THSD7A: variants seen among roughly 807,000 people sequenced by gnomAD.
THSD7A encodes the protein thrombospondin type 1 domain containing 7A, also known as thrombospondin type-1 domain-containing protein 7A.
THSD7A carries 96 observed loss-of-function variants against 231.3 expected under a neutral mutation model. The ratio of observed to expected loss-of-function variants is 0.41; its 90% CI spans 0.35 to 0.49. THSD7A has a LOEUF of 0.49. THSD7A is among the 20% of genes least tolerant of loss of function. THSD7A has a pLI of 0.05. For missense variants in THSD7A, 2,290 were observed against 2,070.2 expected (o/e 1.11, Z -2.06); for synonymous variants, 940 against 743.3 (o/e 1.26, Z -4.30).
At chr7:11,578,707 TAAAAGA>T (rs1213424920) in intron 4 of THSD7A, among the ~76,000 whole-genome samples, 1 of 152,164 alleles carries the variant, frequency 6.6e-6, no homozygotes, top group African/African-American at 2.4e-5. Context: ...AAATATTCTT[TAAAAGA>T]GGAGATATTT....
At chr7:11,659,714 T>C (rs1368094756) in intron 1 of THSD7A, among the ~76,000 whole-genome samples, 1 of 151,536 alleles carries the variant, frequency 6.6e-6, no homozygotes, top group Non-Finnish European at 1.5e-5. Flanking sequence ...ATAAATACTG[T>C]TAATGAATGA....
chr7:11,570,702 C>A (rs556515972), intron 4 of THSD7A, among the ~76,000 whole-genome samples: 2 of 152,094 alleles, frequency 1.3e-5, no homozygotes, highest in Non-Finnish European at 2.9e-5. Flanking sequence ...GTTTTAAAAT[C>A]CTTTTAATTG....
At chr7:11,559,438 A>G (rs958226234) in intron 4 of THSD7A, among the ~76,000 whole-genome samples, 7 of 152,068 alleles carry the variant, frequency 4.6e-5, no homozygotes, top group Non-Finnish European at 7.4e-5. Flanking sequence ...AGGAAGGTAA[A>G]TACATTAATT....
At chr7:11,427,953 G>A (rs1285146936) in intron 14 of THSD7A, among the ~76,000 whole-genome samples, 1 of 152,076 alleles carries the variant, frequency 6.6e-6, no homozygotes, top group Non-Finnish European at 1.5e-5. Context: ...ACTCTTTAGA[G>A]TACTTTTTAT....
At chr7:11,557,788 T>A (rs1032743073) in intron 4 of THSD7A, among the ~76,000 whole-genome samples, 5 of 151,728 alleles carry the variant, frequency 3.3e-5, no homozygotes, top group African/African-American at 1.2e-4. Context: ...GGGTGGGGAG[T>A]GCTTTACCAG....
chr7:11,697,535 G>A (rs1243313063), intron 1 of THSD7A, among the ~76,000 whole-genome samples: 1 of 151,176 alleles, frequency 6.6e-6, no homozygotes, highest in Admixed American at 6.6e-5. Flanking sequence ...AGACAAATAT[G>A]AGAGATTATA....
At chr7:11,619,164 T>G (rs1422304750) in intron 2 of THSD7A, among the ~76,000 whole-genome samples, 2 of 152,076 alleles carry the variant, frequency 1.3e-5, no homozygotes, top group East Asian at 3.8e-4. Context: ...AGAAACTGGT[T>G]ACATTTGTTA....
At chr7:11,530,115 A>G (rs972975880) in intron 6 of THSD7A, among the ~76,000 whole-genome samples, 2 of 152,204 alleles carry the variant, frequency 1.3e-5, no homozygotes, top group Non-Finnish European at 2.9e-5. Flanking sequence ...TTAAAGCTCA[A>G]TAAAACATGG....
chr7:11,510,231 C>T (rs140057261), intron 6 of THSD7A, among the ~76,000 whole-genome samples: 18 of 152,096 alleles, frequency 1.2e-4, no homozygotes, highest in Non-Finnish European at 2.5e-4. Flanking sequence ...CAGGAAGAAG[C>T]TGAATCCCTG....
At chr7:11,480,447 G>C (rs1279904574) in intron 7 of THSD7A, among the ~76,000 whole-genome samples, 4 of 152,112 alleles carry the variant, frequency 2.6e-5, no homozygotes, top group African/African-American at 4.8e-5. Context: ...TGAAGCCCAA[G>C]GCAAAATCTG....
chr7:11,758,760 T>G (rs1025805347), intron 1 of THSD7A, among the ~76,000 whole-genome samples: 1 of 152,228 alleles, frequency 6.6e-6, no homozygotes, highest in South Asian at 2.1e-4. Flanking sequence ...AAACTAGTGG[T>G]TATCAAAGTT....
intron 1 of THSD7A, among the ~76,000 whole-genome samples, chr7:11,756,872 C>A (rs1053686434): frequency 6.6e-6 from 1 of 151,838 alleles, no homozygotes; most frequent in African/African-American, 2.4e-5. Flanking sequence ...ACATTTTTAG[C>A]CTGAAGTTGT....
intron 1 of THSD7A, among the ~76,000 whole-genome samples, chr7:11,825,890 G>A (rs964086066): frequency 1.3e-5 from 2 of 152,110 alleles, no homozygotes; most frequent in Non-Finnish European, 2.9e-5. Flanking sequence ...TAAATTGTAA[G>A]AACAATTGAA....
intron 2 of THSD7A, among the ~76,000 whole-genome samples, chr7:11,603,094 T>G (rs1159870800): frequency 2.0e-5 from 3 of 150,582 alleles, no homozygotes; most frequent in African/African-American, 4.9e-5. Flanking sequence ...ACAGGCAACC[T>G]ACAAAATGGG....
Position 11,679,992 on chromosome 7 carries a change from A to G in THSD7A, c.191-43031T>C, listed in dbSNP as rs556770657. ...AAAACAGCATGGTACTGGTACCAAA[A>G]CAGATATATAGACCAATGGAACGTA... On this transcript the variant is annotated intron_variant, in intron 1 of 27. Coordinates refer to ENST00000423059, the MANE Select transcript of THSD7A (RefSeq NM_015204.3). Among the ~76,000 whole-genome samples the G allele has an allele frequency of 3.9e-5, 6 of 152,214 alleles. No homozygotes were observed. The South Asian group carries it at 6.2e-4, about 16-fold the overall frequency.
chr7:11,689,918 GT>G (rs147437217), intron 1 of THSD7A, among the ~76,000 whole-genome samples: 13,829 of 150,894 alleles, frequency 0.092, 793 homozygotes, highest in Non-Finnish European at 0.14. Flanking sequence ...ATCTTTAGTT[GT>G]TACTACAAGG....
chr7:11,521,021 T>C (rs999593392), intron 6 of THSD7A, among the ~76,000 whole-genome samples: 1 of 152,198 alleles, frequency 6.6e-6, no homozygotes, highest in South Asian at 2.1e-4. Flanking sequence ...GCACAAATAT[T>C]GCTCTTCAAA....
At position 11,530,163 on chromosome 7, in the gene THSD7A, T is replaced by A. The variant is rs1788645634; in HGVS notation, c.1822+11256A>T. On this transcript the variant is annotated intron_variant, in intron 6 of 27. Coordinates refer to ENST00000423059, the MANE Select transcript of THSD7A (RefSeq NM_015204.3). ...ATGCTGTGAGAGGAATCCTTCAAAT[T>A]TCAAGTTTTTCTGTACATTTATTTT... Among the ~76,000 whole-genome samples, 5 of 152,160 alleles carry A rather than the reference T, an allele frequency of 3.3e-5. No individual in the cohort carries two copies. In the South Asian group the frequency reaches 1.0e-3, roughly 32 times the overall value.
At chr7:11,504,066 C>T (rs1554325450) in intron 6 of THSD7A, among the ~76,000 whole-genome samples, 1 of 152,056 alleles carries the variant, frequency 6.6e-6, no homozygotes, top group Non-Finnish European at 1.5e-5. Flanking sequence ...ACATAAATTC[C>T]CATCAATGAC....
Sources: allele counts gnomAD v4.1 joint callset (sites outside exome capture counted in the v4.1 genomes callset), GRCh38; gene constraint gnomAD v4.1.1; transcripts MANE v1.5; gene names NCBI Gene and HGNC (gene_info 2026-07-23, HGNC 2026-07-21).